Variants in ADCY2 observed in about 807,000 individuals in gnomAD.
ADCY2 encodes the protein adenylate cyclase 2, also known as adenylate cyclase type 2.
In ADCY2, 31 loss-of-function variants were observed where a neutral mutation model predicts 125.2. That is an observed-to-expected ratio of 0.25 (90% CI 0.19 to 0.33). The LOEUF (loss-of-function observed/expected upper bound fraction) is 0.33, where lower values mean the gene tolerates loss of function less well. ADCY2 is among the 10% of genes least tolerant of loss of function. The probability of loss-of-function intolerance (pLI) is 1.00; values close to 1 mark genes in which losing one functional copy is unlikely to be tolerated. For synonymous variants in ADCY2, 512 were observed against 548.4 expected, an observed-to-expected ratio of 0.93 and a Z score of 0.93; for missense variants, 904 against 1,418.2, an observed-to-expected ratio of 0.64 and a Z score of 5.82.
chr5:7,785,796 A>T (rs1232585589), intron 19 of ADCY2, among the ~76,000 whole-genome samples: 1 of 152,164 alleles, frequency 6.6e-6, no homozygotes, highest in East Asian at 1.9e-4. Context: ...TGCTAGAATC[A>T]TCTCTCAGAT....
At chr5:7,804,040 A>AGAGAG (rs1744682437) in intron 21 of ADCY2, among the ~76,000 whole-genome samples, 2 of 106,586 alleles carry the variant, frequency 1.9e-5, no homozygotes, top group African/African-American at 7.4e-5. Context: ...GGAGGGGGGA[A>AGAGAG]AGAGAGAGAG....
At chr5:7,825,866 A>G (rs1039865360) in intron 24 of ADCY2, among the ~76,000 whole-genome samples, 1 of 152,230 alleles carries the variant, frequency 6.6e-6, no homozygotes, top group Non-Finnish European at 1.5e-5. Flanking sequence ...AGTACTGGAC[A>G]GTGCATCTCC....
At chr5:7,768,194 C>T (rs1309720342) in intron 17 of ADCY2, among the ~76,000 whole-genome samples, 2 of 152,170 alleles carry the variant, frequency 1.3e-5, no homozygotes, top group Admixed American at 6.5e-5. Flanking sequence ...AGATCCTGCG[C>T]TTCAAATTAG....
At chr5:7,589,372 C>A (rs1200636024) in intron 3 of ADCY2, among the ~76,000 whole-genome samples, 1 of 138,134 alleles carries the variant, frequency 7.2e-6, no homozygotes, top group Non-Finnish European at 1.6e-5. Flanking sequence ...TAAACAATGT[C>A]CACTGGCAAA....
chr5:7,424,406 G>A (rs2126358677), intron 2 of ADCY2, among the ~76,000 whole-genome samples: 1 of 152,382 alleles, frequency 6.6e-6, no homozygotes, highest in South Asian at 2.1e-4. Context: ...CACACAGTGA[G>A]GAAGAGGACC....
intron 6 of ADCY2, among the ~76,000 whole-genome samples, chr5:7,696,801 G>A (rs1409083728): frequency 6.6e-6 from 1 of 152,156 alleles, no homozygotes; most frequent in Non-Finnish European, 1.5e-5. Context: ...TTTGCCTTCT[G>A]TAGTTCCACC....
At chr5:7,525,605 G>T (rs1479736940) in intron 3 of ADCY2, among the ~76,000 whole-genome samples, 1 of 151,894 alleles carries the variant, frequency 6.6e-6, no homozygotes, top group African/African-American at 2.4e-5. Flanking sequence ...TAGGTGTTGG[G>T]TGTCACTGCA....
chr5:7,474,999 C>T (rs75269158), intron 2 of ADCY2, among the ~76,000 whole-genome samples: 2,842 of 152,294 alleles, frequency 0.019, 90 homozygotes, highest in African/African-American at 0.064. Flanking sequence ...AGAGCGCTCC[C>T]GGGAGGCGTG....
intron 20 of ADCY2, chr5:7,793,904 G>A (rs1298057945): frequency 6.6e-6 from 1 of 152,204 alleles, no homozygotes; most frequent in Non-Finnish European, 1.5e-5. Context: ...ACCTGACTGG[G>A]GGCAGCCTAC....
At chr5:7,578,007 T>TA (rs1021113991) in intron 3 of ADCY2, among the ~76,000 whole-genome samples, 8 of 152,294 alleles carry the variant, frequency 5.3e-5, no homozygotes, top group Non-Finnish European at 1.0e-4. Flanking sequence ...GGAACACACT[T>TA]ACCTGTGTCT....
intron 14 of ADCY2, among the ~76,000 whole-genome samples, chr5:7,734,430 T>A (rs545090345): frequency 5.4e-4 from 83 of 152,312 alleles, no homozygotes; most frequent in Admixed American, 2.2e-3. Context: ...TTGTCCAGAA[T>A]CATCCTCTTC....
chr5:7,397,691 T>C (rs866633912), intron 1 of ADCY2, among the ~76,000 whole-genome samples: 25 of 152,100 alleles, frequency 1.6e-4, no homozygotes, highest in African/African-American at 6.0e-4. Context: ...ATTGTTACCA[T>C]CATGTTTTTA....
At chr5:7,572,278 A>G (rs1164212003) in intron 3 of ADCY2, among the ~76,000 whole-genome samples, 1 of 152,134 alleles carries the variant, frequency 6.6e-6, no homozygotes, top group Non-Finnish European at 1.5e-5. Context: ...ACAGTGTATA[A>G]ATGTTTCTTT....
intron 4 of ADCY2, among the ~76,000 whole-genome samples, chr5:7,636,330 A>G (rs2126668863): frequency 6.6e-6 from 1 of 152,318 alleles, no homozygotes. Context: ...GCTGGGGTTC[A>G]GGACATTGTG....
At chr5:7,685,217 C>T (rs528151997) in intron 4 of ADCY2, 6 of 152,408 alleles carry the variant, frequency 3.9e-5, no homozygotes, top group East Asian at 1.9e-4. Context: ...CTTTCCTCTG[C>T]GTGGTGCTAG....
chr5:7,642,998 C>T (rs1738762934), intron 4 of ADCY2, among the ~76,000 whole-genome samples: 1 of 152,000 alleles, frequency 6.6e-6, no homozygotes, highest in Admixed American at 6.6e-5. Flanking sequence ...TAACAAAAAA[C>T]ACTCTTCAGT....
chr5:7,433,097 A>C (rs1418055486), intron 2 of ADCY2, among the ~76,000 whole-genome samples: 1 of 152,172 alleles, frequency 6.6e-6, no homozygotes, highest in Non-Finnish European at 1.5e-5. Context: ...GATACAAAAG[A>C]GATTTGGTGA....
chr5:7,513,737 G>T (rs1004750479), intron 2 of ADCY2, among the ~76,000 whole-genome samples: 2 of 152,086 alleles, frequency 1.3e-5, no homozygotes, highest in African/African-American at 4.8e-5. Context: ...ACTATATTGC[G>T]GTACTATTGT....
At chr5:7,463,015 A>G (rs567496517) in intron 2 of ADCY2, among the ~76,000 whole-genome samples, 259 of 152,300 alleles carry the variant, frequency 1.7e-3, no homozygotes, top group African/African-American at 6.1e-3. Context: ...GCTTTGTGAT[A>G]CCTGAACAGG....
Sources: allele counts gnomAD v4.1 joint callset (sites outside exome capture counted in the v4.1 genomes callset), GRCh38; gene constraint gnomAD v4.1.1; transcripts MANE v1.5; gene names NCBI Gene and HGNC (gene_info 2026-07-23, HGNC 2026-07-21).